TASP1: variants seen among roughly 807,000 people sequenced by gnomAD.
TASP1 encodes the protein threonine aspartase 1.
A neutral mutation model predicts 56.6 loss-of-function variants in TASP1; 16 were observed. That is an observed-to-expected ratio of 0.28 (90% CI 0.19 to 0.43). The LOEUF (loss-of-function observed/expected upper bound fraction) is 0.43, where lower values mean the gene tolerates loss of function less well. Ranked by LOEUF, TASP1 falls within the 20% of genes least tolerant of loss-of-function variation. TASP1 has a pLI of 1.00. For missense variants in TASP1, 393 were observed against 511.6 expected, an observed-to-expected ratio of 0.77 and a Z score of 2.24; for synonymous variants, 179 against 184.2, an observed-to-expected ratio of 0.97 and a Z score of 0.23.
the TASP1 span, among the ~76,000 whole-genome samples, chr20:13,246,868 T>C: frequency 6.6e-6 from 1 of 152,176 alleles, no homozygotes; most frequent in Admixed American, 6.5e-5. Context: ...TGCATTGTAA[T>C]TAATATCCTT....
the TASP1 span, among the ~76,000 whole-genome samples, chr20:13,186,019 C>A: frequency 6.6e-6 from 1 of 152,164 alleles, no homozygotes; most frequent in Non-Finnish European, 1.5e-5. Flanking sequence ...GATCTACTTA[C>A]CTGGAGCAAA....
the TASP1 span, among the ~76,000 whole-genome samples, chr20:13,109,282 T>G: frequency 6.6e-6 from 1 of 152,194 alleles, no homozygotes; most frequent in East Asian, 1.9e-4. Flanking sequence ...CACCATTTCA[T>G]TTGAGAAGAA....
intron 8 of TASP1, among the ~76,000 whole-genome samples, chr20:13,544,095 C>T (rs1015534793): frequency 1.3e-5 from 2 of 152,150 alleles, no homozygotes; most frequent in Non-Finnish European, 2.9e-5. Flanking sequence ...TTTGCGTGCC[C>T]TTTAGTCTAT....
At chr20:13,106,327 G>A in the TASP1 span, among the ~76,000 whole-genome samples, 2 of 152,140 alleles carry the variant, frequency 1.3e-5, no homozygotes, top group Non-Finnish European at 2.9e-5. Flanking sequence ...ATGAGGACGA[G>A]GTCCCTGACT....
At chr20:13,568,449 TTC>T (rs1233990226) in intron 7 of TASP1, among the ~76,000 whole-genome samples, 3 of 152,192 alleles carry the variant, frequency 2.0e-5, no homozygotes, top group African/African-American at 7.2e-5. Flanking sequence ...TAATATTTCT[TTC>T]TCATTTTATG....
the TASP1 span, among the ~76,000 whole-genome samples, chr20:13,142,037 C>T: frequency 4.6e-5 from 7 of 152,320 alleles, no homozygotes; most frequent in South Asian, 1.5e-3. Flanking sequence ...GGAAAGTTTG[C>T]CTGGTTGTGC....
intron 10 of TASP1, among the ~76,000 whole-genome samples, chr20:13,518,416 A>G (rs1028031895): frequency 2.6e-5 from 4 of 152,158 alleles, no homozygotes; most frequent in African/African-American, 9.6e-5. Context: ...ATCTTCTAAA[A>G]GTATGATCAT....
chr20:13,180,772 G>A, the TASP1 span, among the ~76,000 whole-genome samples: 1 of 152,112 alleles, frequency 6.6e-6, no homozygotes, highest in African/African-American at 2.4e-5. Context: ...AATACTTAAT[G>A]AGTAACAAAT....
At chr20:13,621,409 C>T (rs2048712239) in intron 4 of TASP1, among the ~76,000 whole-genome samples, 1 of 151,984 alleles carries the variant, frequency 6.6e-6, no homozygotes. Flanking sequence ...CCAGCTTGGG[C>T]TACAGAGTGA....
chr20:13,349,623 A>C, the TASP1 span, among the ~76,000 whole-genome samples: 1 of 152,198 alleles, frequency 6.6e-6, no homozygotes, highest in African/African-American at 2.4e-5. Context: ...ATTTTATCTG[A>C]TCTCTCAGTA....
At chr20:13,484,199 A>G (rs1236541326) in intron 10 of TASP1, among the ~76,000 whole-genome samples, 4 of 152,236 alleles carry the variant, frequency 2.6e-5, no homozygotes, top group Non-Finnish European at 4.4e-5. Context: ...ACACTTGTAC[A>G]CTGTTGGTGG....
chr20:13,159,199 A>G, the TASP1 span, among the ~76,000 whole-genome samples: 1 of 152,232 alleles, frequency 6.6e-6, no homozygotes, highest in Non-Finnish European at 1.5e-5. Context: ...AAGGGAAGGA[A>G]TCATAGCTTA....
the TASP1 span, among the ~76,000 whole-genome samples, chr20:13,328,409 A>C: frequency 2.0e-5 from 3 of 152,184 alleles, no homozygotes; most frequent in Admixed American, 1.3e-4. Context: ...TGATTCCTCA[A>C]ATATGTAGAG....
chr20:13,428,583 TGCGTTAAATCA>T (rs1260282753), intron 12 of TASP1, among the ~76,000 whole-genome samples: 1 of 152,236 alleles, frequency 6.6e-6, no homozygotes, highest in African/African-American at 2.4e-5. Context: ...GCATTTGCTT[TGCGTTAAATCA>T]GCGATTTGTA....
the TASP1 span, among the ~76,000 whole-genome samples, chr20:13,254,329 GTATA>G: frequency 2.0e-5 from 3 of 152,030 alleles, no homozygotes; most frequent in Non-Finnish European, 4.4e-5. Context: ...TTAAATATGT[GTATA>G]TATAAGTATA....
chr20:13,575,762 C>T (rs1358447246), intron 6 of TASP1, among the ~76,000 whole-genome samples: 2 of 152,106 alleles, frequency 1.3e-5, no homozygotes, highest in Non-Finnish European at 2.9e-5. Flanking sequence ...CTTAATATCA[C>T]AAAGAAGGGA....
At chr20:13,396,487 A>G (rs2041542859) in intron 13 of TASP1, among the ~76,000 whole-genome samples, 1 of 152,216 alleles carries the variant, frequency 6.6e-6, no homozygotes, top group East Asian at 1.9e-4. Context: ...AGCCTGTGTG[A>G]TATTGGACAA....
chr20:13,534,269 G>T, intron 8 of TASP1, 128 bp from the exon 9 acceptor site: 1 of 1,130,334 alleles, frequency 8.8e-7, no homozygotes, highest in Non-Finnish European at 1.2e-6. Flanking sequence ...GGAACATTGA[G>T]CAATCTCCTA....
the TASP1 span, among the ~76,000 whole-genome samples, chr20:13,214,550 CACACACACACACAGAGAG>C: frequency 6.1e-5 from 7 of 114,688 alleles, no homozygotes; most frequent in East Asian, 6.5e-4. Context: ...CACACACACA[CACACACACACACAGAGAG>C]AGAGAGAGAG....
Sources: gnomAD v4.1 joint callset for allele counts (sites outside exome capture counted in the v4.1 genomes callset) on GRCh38, gnomAD v4.1.1 for gene constraint, MANE v1.5 for transcripts, NCBI Gene and HGNC (gene_info 2026-07-23, HGNC 2026-07-21) for gene names.